Variants in TJP1 observed in about 807,000 individuals in gnomAD.
TJP1 encodes tight junction protein ZO-1.
In TJP1, 43 loss-of-function variants were observed where a neutral mutation model predicts 194.2. The observed-to-expected ratio is 0.22, with a 90% CI of 0.17 to 0.29. TJP1 has a LOEUF of 0.29. TJP1 is among the 10% of genes least tolerant of loss of function. The pLI, the probability that TJP1 is intolerant of heterozygous loss-of-function variation, is 1.00. For missense variants in TJP1, 1,971 were observed against 2,185.7 expected, an observed-to-expected ratio of 0.90 and a Z score of 1.96; for synonymous variants, 801 against 779.0, an observed-to-expected ratio of 1.03 and a Z score of -0.47.
At chr15:29,772,558 C>A (rs1365920954) in intron 3 of TJP1, among the ~76,000 whole-genome samples, 2 of 152,028 alleles carry the variant, frequency 1.3e-5, no homozygotes, top group Non-Finnish European at 2.9e-5. Flanking sequence ...AATTATAGTG[C>A]CACTATTTTG....
At chr15:29,862,708 T>C (rs1452097008) in intron 2 of TJP1, among the ~76,000 whole-genome samples, 2 of 146,510 alleles carry the variant, frequency 1.4e-5, no homozygotes, top group African/African-American at 2.5e-5. Flanking sequence ...AGTGCAGTGG[T>C]GCGATCTTGG....
At chr15:29,841,462 C>A (rs1284912929) in intron 2 of TJP1, among the ~76,000 whole-genome samples, 1 of 152,170 alleles carries the variant, frequency 6.6e-6, no homozygotes, top group African/African-American at 2.4e-5. Context: ...CACTTAGTTA[C>A]TATTTAATTG....
intron 2 of TJP1, among the ~76,000 whole-genome samples, chr15:29,913,199 A>AG (rs1555451939): frequency 0.074 from 11,308 of 151,808 alleles, 554 homozygotes; most frequent in South Asian, 0.15. Context: ...CAAAAAAAAA[A>AG]GGGGGTAGAA....
chr15:29,955,041 C>T (rs567003022), intron 2 of TJP1, among the ~76,000 whole-genome samples: 14 of 151,888 alleles, frequency 9.2e-5, no homozygotes, highest in Admixed American at 3.3e-4. Flanking sequence ...GATCGTGCCA[C>T]TGCACTCTAG....
In TJP1 at chr15:29,822,303, A is replaced by G; in HGVS notation, c.-275T>C. ...CCACTCGGCCTCCCGCAGCTTTCGCAGCCCGGCCACGTCGGCCTCGCCCGG... is the reference window on the plus strand; with the variant it reads ...CCACTCGGCCTCCCGCAGCTTTCGCGGCCCGGCCACGTCGGCCTCGCCCGG... On this transcript the variant is annotated 5_prime_UTR_variant, in exon 1 of 28. Coordinates refer to ENST00000614355, the MANE Select transcript of TJP1 (RefSeq NM_001330239.4). 1 of 1,123,212 alleles carries G rather than the reference A, an allele frequency of 8.9e-7. No individual in the cohort carries two copies. The highest frequency in any genetic ancestry group is 4.4e-5 in the South Asian group (1 of 22,556). 69.6% of individuals were successfully genotyped at this position (1,123,212 alleles called of 1,614,324 possible). A position where few individuals can be genotyped will look rare whatever the true frequency, so the allele number is the denominator to read the frequency against.
chr15:29,805,126 C>T (rs568008987), intron 1 of TJP1, among the ~76,000 whole-genome samples: 11 of 152,316 alleles, frequency 7.2e-5, no homozygotes, highest in South Asian at 6.2e-4. Context: ...ATTCTGAGTT[C>T]TGCGCACATT....
At chr15:29,805,242 C>A (rs1269518476) in intron 1 of TJP1, among the ~76,000 whole-genome samples, 1 of 152,210 alleles carries the variant, frequency 6.6e-6, no homozygotes, top group Non-Finnish European at 1.5e-5. Context: ...TAAGCTCCAG[C>A]TGGCAAAGAC....
At chr15:29,962,441 A>G (rs2056194167) in intron 1 of TJP1, among the ~76,000 whole-genome samples, 1 of 152,246 alleles carries the variant, frequency 6.6e-6, no homozygotes, top group African/African-American at 2.4e-5. Flanking sequence ...GATGGCAAAA[A>G]CAAAGCAGTC....
intron 2 of TJP1, among the ~76,000 whole-genome samples, chr15:29,938,264 A>C (rs934630750): frequency 6.6e-6 from 1 of 152,248 alleles, no homozygotes; most frequent in Non-Finnish European, 1.5e-5. Context: ...AGCAAAAGGA[A>C]AAAGATAAAA....
intron 2 of TJP1, among the ~76,000 whole-genome samples, chr15:29,858,750 T>C (rs2051958937): frequency 6.6e-6 from 1 of 152,146 alleles, no homozygotes; most frequent in African/African-American, 2.4e-5. Context: ...TTTTACCATG[T>C]TGCCCTGGCT....
chr15:29,926,718 T>C (rs2054539598), intron 2 of TJP1, among the ~76,000 whole-genome samples: 1 of 152,218 alleles, frequency 6.6e-6, no homozygotes, highest in African/African-American at 2.4e-5. Context: ...CATCTTGATT[T>C]CTACTTTTGA....
chr15:29,915,642 C>T (rs1596249905), intron 2 of TJP1, among the ~76,000 whole-genome samples: 1 of 152,240 alleles, frequency 6.6e-6, no homozygotes, highest in South Asian at 2.1e-4. Flanking sequence ...TTCATACAAC[C>T]TAGAAAAGAA....
rs571093398 is a variant in TJP1, at chr15:29,953,487, C to T, written c.306+2745G>A. 5.9e-5 allele frequency among the ~76,000 whole-genome samples: 9 copies of T among 151,524 alleles called. No homozygotes were observed. In the East Asian group the frequency reaches 1.8e-3, roughly 30 times the overall value. On this transcript the variant is annotated intron_variant, in intron 2 of 28. Coordinates refer to the TJP1 transcript ENST00000356107. ...GTGTAGGGAAAAAAATGTTTTTAGC[C>T]CCATGCCAGAAATGCTATATGCCCC...
chr15:29,949,862 ACCACCT>A (rs2055585018), intron 2 of TJP1, among the ~76,000 whole-genome samples: 5 of 76,716 alleles, frequency 6.5e-5, no homozygotes, highest in South Asian at 5.5e-4. Context: ...CTCCACAACC[ACCACCT>A]CCACCTCCAC....
intron 2 of TJP1, among the ~76,000 whole-genome samples, chr15:29,785,569 G>A (rs1400179933): frequency 6.6e-6 from 1 of 152,108 alleles, no homozygotes; most frequent in Non-Finnish European, 1.5e-5. Flanking sequence ...ATTCCTCTCT[G>A]TTCCTATTGA....
intron 2 of TJP1, among the ~76,000 whole-genome samples, chr15:29,917,972 T>A (rs1168178839): frequency 6.6e-6 from 1 of 152,202 alleles, no homozygotes; most frequent in Non-Finnish European, 1.5e-5. Context: ...TCTGTACTTA[T>A]CAAACACTAA....
intron 2 of TJP1, among the ~76,000 whole-genome samples, chr15:29,792,484 G>T (rs1215689225): frequency 6.6e-6 from 1 of 152,116 alleles, no homozygotes; most frequent in Admixed American, 6.6e-5. Flanking sequence ...CCATGCTATA[G>T]CTCTGGAGTA....
chr15:29,939,167 C>T (rs889611958), intron 2 of TJP1, among the ~76,000 whole-genome samples: 7 of 152,190 alleles, frequency 4.6e-5, no homozygotes, highest in Non-Finnish European at 7.3e-5. Flanking sequence ...GCAGCAAACA[C>T]GGAACATTCA....
At chr15:29,704,775 A>G (rs889318216) in intron 26 of TJP1, among the ~76,000 whole-genome samples, 1 of 152,196 alleles carries the variant, frequency 6.6e-6, no homozygotes, top group Admixed American at 6.5e-5. Context: ...TCCATTTTCA[A>G]AATGTTTTGT....
Sources: allele counts gnomAD v4.1 joint callset (sites outside exome capture counted in the v4.1 genomes callset), GRCh38; gene constraint gnomAD v4.1.1; transcripts MANE v1.5; gene names NCBI Gene and HGNC (gene_info 2026-07-23, HGNC 2026-07-21).